RYR3: variants seen among roughly 807,000 people sequenced by gnomAD.
The protein encoded by RYR3 is brain ryanodine receptor-calcium release channel.
RYR3 carries 207 observed loss-of-function variants against 584.3 expected under a neutral mutation model. That is an observed-to-expected ratio of 0.35 (90% CI 0.32 to 0.40). The LOEUF (loss-of-function observed/expected upper bound fraction) is 0.40. RYR3 is among the 10% of genes least tolerant of loss of function. RYR3 has a pLI of 1.00. For synonymous variants in RYR3, 2,416 were observed against 2,248.5 expected, an observed-to-expected ratio of 1.07 and a Z score of -2.11; for missense variants, 5,616 against 6,089.2, an observed-to-expected ratio of 0.92 and a Z score of 2.59.
intron 1 of RYR3, among the ~76,000 whole-genome samples, chr15:33,341,375 A>ATGC (rs201498508): frequency 0.018 from 2,690 of 152,138 alleles, 56 homozygotes; most frequent in East Asian, 0.11. Context: ...ATGTTTTCAG[A>ATGC]TGCTGCTGCT....
intron 1 of RYR3, among the ~76,000 whole-genome samples, chr15:33,383,683 TG>T (rs1478778112): frequency 6.6e-6 from 1 of 152,164 alleles, no homozygotes; most frequent in African/African-American, 2.4e-5. Context: ...GTAGTATTTT[TG>T]GCCCATGCCC....
chr15:33,416,674 G>C (rs2043834825), intron 1 of RYR3, among the ~76,000 whole-genome samples: 1 of 152,060 alleles, frequency 6.6e-6, no homozygotes, highest in Non-Finnish European at 1.5e-5. Context: ...CTTTTGCTGG[G>C]CAGAAGCTCT....
rs1596400285 is a variant in RYR3 at position 33,745,987 on chromosome 15, T to C, written c.7900-81T>C. 5 of 916,964 alleles carry C rather than the reference T, an allele frequency of 5.5e-6. No homozygotes were observed. The East Asian group carries it at 1.3e-4, about 24-fold the overall frequency. The allele number at this position is 916,964 out of a possible 1,614,324, so 56.8% of individuals were successfully genotyped here. ...ACTATCCATTACTCCACTTGCTCCA[T>C]GAAAATAGAAGCAGGGATTTGGGTC... On this transcript the variant is annotated intron_variant, in intron 52 of 103. Coordinates refer to ENST00000634891, the MANE Select transcript of RYR3 (RefSeq NM_001036.6).
intron 1 of RYR3, among the ~76,000 whole-genome samples, chr15:33,467,671 C>G (rs1432416516): frequency 1.3e-5 from 2 of 152,218 alleles, no homozygotes; most frequent in East Asian, 3.8e-4. Flanking sequence ...TCACTCAACA[C>G]CACCACAAGC....
At chr15:33,787,653 C>T (rs950358106) in intron 66 of RYR3, among the ~76,000 whole-genome samples, 1 of 152,204 alleles carries the variant, frequency 6.6e-6, no homozygotes, top group African/African-American at 2.4e-5. Context: ...TGATACCAGA[C>T]TTATATCCCT....
chr15:33,601,678 A>T, intron 17 of RYR3, 126 bp downstream of exon 17: 1 of 965,264 alleles, frequency 1.0e-6, no homozygotes, highest in South Asian at 1.6e-5. Context: ...ATACAAGTAC[A>T]TAAGACAAGA....
chr15:33,521,686 T>A (rs1252262701), intron 3 of RYR3, among the ~76,000 whole-genome samples: 1 of 152,134 alleles, frequency 6.6e-6, no homozygotes, highest in East Asian at 1.9e-4. Context: ...ACTGTGGGTG[T>A]CGAAGGTGGG....
At chr15:33,620,958 C>A (rs1036444002) in intron 19 of RYR3, among the ~76,000 whole-genome samples, 3 of 152,226 alleles carry the variant, frequency 2.0e-5, no homozygotes, top group African/African-American at 7.2e-5. Flanking sequence ...ATGCAGTAAA[C>A]ACTGATTCCT....
At chr15:33,604,228 C>T (rs934596046) in intron 18 of RYR3, among the ~76,000 whole-genome samples, 1 of 152,252 alleles carries the variant, frequency 6.6e-6, no homozygotes, top group Non-Finnish European at 1.5e-5. Flanking sequence ...TTCCTCAAAT[C>T]CAGTACAAAG....
chr15:33,654,544 A>G (rs1045516636), intron 32 of RYR3, among the ~76,000 whole-genome samples: 1 of 152,012 alleles, frequency 6.6e-6, no homozygotes, highest in Non-Finnish European at 1.5e-5. Context: ...TCATGGGTAG[A>G]AGGAGAAGAG....
intron 48 of RYR3, among the ~76,000 whole-genome samples, chr15:33,734,815 A>G (rs147377963): frequency 8.6e-5 from 13 of 150,628 alleles, no homozygotes; most frequent in African/African-American, 3.2e-4. Flanking sequence ...TCAGCCTCCT[A>G]AGTAGCTGGG....
chr15:33,862,960 C>G (rs1012730335), intron 102 of RYR3, among the ~76,000 whole-genome samples: 1 of 152,180 alleles, frequency 6.6e-6, no homozygotes. Context: ...TGTGCCCTTC[C>G]TCATGAGTAT....
chr15:33,502,284 G>A (rs1263971635), intron 2 of RYR3, among the ~76,000 whole-genome samples: 1 of 152,094 alleles, frequency 6.6e-6, no homozygotes, highest in East Asian at 1.9e-4. Context: ...ACTTAAAGAT[G>A]GTCAATTCCA....
intron 3 of RYR3, among the ~76,000 whole-genome samples, chr15:33,522,111 A>C (rs2054040110): frequency 6.6e-6 from 1 of 150,876 alleles, no homozygotes; most frequent in Admixed American, 6.6e-5. Context: ...AAAAAAAAAA[A>C]AACTAGCCAG....
chr15:33,833,731 G>T (rs918865980), intron 86 of RYR3, among the ~76,000 whole-genome samples: 3 of 152,138 alleles, frequency 2.0e-5, no homozygotes, highest in African/African-American at 7.2e-5. Context: ...GAATCTAATG[G>T]TTTCTAGGGA....
At chr15:33,396,593 A>G (rs1375161323) in intron 1 of RYR3, among the ~76,000 whole-genome samples, 1 of 152,202 alleles carries the variant, frequency 6.6e-6, no homozygotes, top group East Asian at 1.9e-4. Context: ...GGGTTTTGCC[A>G]TTGCTTTCAG....
chr15:33,859,861 AT>A, intron 100 of RYR3, 130 bp downstream of exon 100: 1 of 1,012,716 alleles, frequency 9.9e-7, no homozygotes, highest in Non-Finnish European at 1.4e-6. Context: ...GCAAGAACTA[AT>A]TTAGCATCTA....
chr15:33,719,121 T>C (rs143321616), intron 43 of RYR3, among the ~76,000 whole-genome samples: 76 of 152,312 alleles, frequency 5.0e-4, no homozygotes, highest in African/African-American at 1.4e-3. Context: ...TTTTCCTTGG[T>C]CCCCTGTCTA....
rs538936704 is a variant in RYR3 at position 33,326,715 on chromosome 15, CTG to C, written c.51+15623_51+15624del. On this transcript the variant is annotated intron_variant, in intron 1 of 103. Coordinates refer to ENST00000634891, the MANE Select transcript of RYR3 (RefSeq NM_001036.6). ...TGTAGGGAGGTACATGGAAGACTGA[CTG>C]TGTTGGGAGATAAGGCTGGAAAACT... Among the ~76,000 whole-genome samples, 150 of 151,214 alleles carry C rather than the reference CTG, an allele frequency of 9.9e-4. 1 individual carries two copies. The highest frequency in any genetic ancestry group is 8.9e-3 in the Admixed American group (135 of 15,204).
Sources: allele counts gnomAD v4.1 joint callset (sites outside exome capture counted in the v4.1 genomes callset), GRCh38; gene constraint gnomAD v4.1.1; transcripts MANE v1.5; gene names NCBI Gene and HGNC (gene_info 2026-07-23, HGNC 2026-07-21).